The following TMC1 variants were observed in gnomAD, a reference collection of about 807,000 sequenced individuals.
TMC1 encodes the protein transmembrane channel-like protein 1.
A neutral mutation model predicts 105.8 loss-of-function variants in TMC1; 84 were observed. That is an observed-to-expected ratio of 0.79 (90% CI 0.67 to 0.95). The LOEUF is 0.95. TMC1 is among the 40% of genes least tolerant of loss of function. The pLI, the probability that TMC1 is intolerant of heterozygous loss-of-function variation, is 0.00. For synonymous variants in TMC1, 315 were observed against 311.5 expected, an observed-to-expected ratio of 1.01 and a Z score of -0.12; for missense variants, 817 against 914.1, an observed-to-expected ratio of 0.89 and a Z score of 1.37.
At chr9:72,746,892 G>T (rs1306125989) in intron 10 of TMC1, among the ~76,000 whole-genome samples, 2 of 152,116 alleles carry the variant, frequency 1.3e-5, no homozygotes, top group East Asian at 3.9e-4. Flanking sequence ...AAACTCGATG[G>T]TTGCTCCTGT....
chr9:72,570,230 A>AGTGTGTGTGTGT (rs3223165), intron 1 of TMC1, among the ~76,000 whole-genome samples: 3,372 of 145,626 alleles, frequency 0.023, 59 homozygotes, highest in Middle Eastern at 0.042. Flanking sequence ...CTCAAAGAGT[A>AGTGTGTGTGTGT]GTGTGTGTGT....
intron 2 of TMC1, among the ~76,000 whole-genome samples, chr9:72,610,249 A>AG (rs1564443094): frequency 2.0e-5 from 3 of 152,230 alleles, no homozygotes; most frequent in Non-Finnish European, 4.4e-5. Context: ...TATATTAGTC[A>AG]GGGGTCTCAA....
At chr9:72,599,197 A>G (rs1424901997) in intron 2 of TMC1, among the ~76,000 whole-genome samples, 2 of 151,954 alleles carry the variant, frequency 1.3e-5, no homozygotes, top group African/African-American at 2.4e-5. Flanking sequence ...CACCCAGCTA[A>G]TTTTTGTATT....
intron 5 of TMC1, among the ~76,000 whole-genome samples, chr9:72,661,590 A>G (rs1163017844): frequency 2.6e-5 from 4 of 152,110 alleles, no homozygotes; most frequent in African/African-American, 7.2e-5. Context: ...CTTCTGTGGT[A>G]TTAAGTATGC....
rs902280069 is a variant in TMC1, at chr9:72,788,526, G to A, written c.1029+43G>A. 24 of 1,607,778 alleles carry A rather than the reference G, an allele frequency of 1.5e-5. No individual in the cohort carries two copies. The Admixed American group carries it at 3.3e-4, about 22-fold the overall frequency. ...AAAAACCTGCTGTTTGTATTTCTAA[G>A]AGTAAAATTGGAGGCATTCCATCTG... is the stretch of plus-strand genomic sequence containing the variant. On this transcript the variant is annotated intron_variant, in intron 14 of 23. Coordinates refer to ENST00000297784, the MANE Select transcript of TMC1 (RefSeq NM_138691.3).
intron 9 of TMC1, 140 bp from the exon 10 acceptor site, chr9:72,742,304 C>A (rs1827402476): frequency 2.8e-6 from 2 of 723,252 alleles, no homozygotes. Context: ...CCTACTGTTT[C>A]CCCCTTTGAC....
intron 3 of TMC1, among the ~76,000 whole-genome samples, chr9:72,617,905 T>TG (rs1383595723): frequency 2.3e-5 from 3 of 130,446 alleles, no homozygotes; most frequent in Non-Finnish European, 4.8e-5. Context: ...GAAGTCTATG[T>TG]GTGGTGTGTG....
intron 8 of TMC1, among the ~76,000 whole-genome samples, chr9:72,734,223 G>C (rs1827261138): frequency 6.6e-6 from 1 of 152,190 alleles, no homozygotes; most frequent in South Asian, 2.1e-4. Flanking sequence ...GACTGCAGTT[G>C]ACTACTTGTA....
Position 72,805,399 on chromosome 9 carries a change from A to G in TMC1, c.1584A>G (p.Thr528=), listed in dbSNP as rs762248733. The G allele has an allele frequency of 2.9e-5, 46 of 1,613,886 alleles. No individual in the cohort carries two copies. The highest frequency in any genetic ancestry group is 1.2e-4 in the Admixed American group (7 of 59,988). The change falls in exon 18 of 24, where the codon ACA becomes ACG. Residue 528 remains threonine, a synonymous_variant. Transcript: ENST00000297784. ...TMVGQEFVRL[T]VSDVLTTYVT... ...CTCAACAGGAGTTTGTGAGGCTGAC[A>G]GTCTCTGATGTTCTGACCACCTACG...
chr9:72,695,141 A>G (rs1378481742), intron 7 of TMC1, among the ~76,000 whole-genome samples: 1 of 152,178 alleles, frequency 6.6e-6, no homozygotes, highest in Non-Finnish European at 1.5e-5. Flanking sequence ...ACAGCTTCAA[A>G]GGGTCATTAA....
chr9:72,726,670 A>G (rs1321028178), intron 8 of TMC1, among the ~76,000 whole-genome samples: 1 of 152,212 alleles, frequency 6.6e-6, no homozygotes, highest in Non-Finnish European at 1.5e-5. Context: ...TAAAAGCATC[A>G]TTTTAAATTT....
intron 5 of TMC1, among the ~76,000 whole-genome samples, chr9:72,650,897 T>TATATATATATATATATATATAA (rs1564468529): frequency 5.6e-5 from 8 of 142,564 alleles, no homozygotes; most frequent in African/African-American, 2.1e-4. Context: ...TATAGATATA[T>TATATATATATATATATATATAA]ATATAAATAT....
rs139000153 is a variant in TMC1, at chr9:72,626,322, G to A, written c.-195-1599G>A. ...ATGTCATTGATACAGGTGTCTGGCA[G>A]GCAGTTGGCTCTAGAGGTCTGGAGC... On this transcript the variant is annotated intron_variant, in intron 3 of 23. Coordinates refer to ENST00000297784, the MANE Select transcript of TMC1 (RefSeq NM_138691.3). 1.6e-3 allele frequency among the ~76,000 whole-genome samples: 248 copies of A among 152,314 alleles called. 2 individuals are homozygous for A. Among genetic ancestry groups the A allele is most frequent in the Admixed American group, 2.9e-3 (44 of 15,308 alleles).
At chr9:72,561,255 T>C (rs1397935600) in intron 1 of TMC1, among the ~76,000 whole-genome samples, 1 of 146,174 alleles carries the variant, frequency 6.8e-6, no homozygotes, top group African/African-American at 2.6e-5. Flanking sequence ...GAGGCACAGC[T>C]TGCAGTGAGC....
chr9:72,637,815 T>C (rs899182101), intron 4 of TMC1, among the ~76,000 whole-genome samples: 1 of 152,224 alleles, frequency 6.6e-6, no homozygotes, highest in African/African-American at 2.4e-5. Context: ...CGTCCTTAGA[T>C]GTGGTTGATT....
intron 3 of TMC1, among the ~76,000 whole-genome samples, chr9:72,626,433 A>G (rs1040465054): frequency 3.3e-5 from 5 of 152,210 alleles, no homozygotes; most frequent in Non-Finnish European, 7.3e-5. Context: ...AGTGGATGAC[A>G]TCACCTGAAA....
At chr9:72,782,870 A>C (rs552348165) in intron 13 of TMC1, among the ~76,000 whole-genome samples, 84 of 152,274 alleles carry the variant, frequency 5.5e-4, no homozygotes, top group Non-Finnish European at 9.1e-4. Context: ...TACCCAAAAC[A>C]CTTTACAGAT....
chr9:72,652,399 A>G (rs989818078), intron 5 of TMC1, among the ~76,000 whole-genome samples: 11 of 152,176 alleles, frequency 7.2e-5, no homozygotes, highest in African/African-American at 2.7e-4. Context: ...ATATAGAATG[A>G]CAAGGGAAGA....
At chr9:72,694,164 C>T (rs1026027531) in intron 6 of TMC1, among the ~76,000 whole-genome samples, 5 of 152,060 alleles carry the variant, frequency 3.3e-5, no homozygotes, top group African/African-American at 1.2e-4. Context: ...AATCACTCAA[C>T]AATTATGTAA....
Sources: allele counts gnomAD v4.1 joint callset (sites outside exome capture counted in the v4.1 genomes callset), GRCh38; gene constraint gnomAD v4.1.1; transcripts MANE v1.5; gene names NCBI Gene and HGNC (gene_info 2026-07-23, HGNC 2026-07-21).